The following ACACB variants were observed in gnomAD, a reference collection of about 807,000 sequenced individuals.
ACACB encodes the protein acetyl-CoA carboxylase 2.
In ACACB, 209 loss-of-function variants were observed where a neutral mutation model predicts 278.8. The observed-to-expected ratio is 0.75, with a 90% CI of 0.67 to 0.84. The LOEUF (loss-of-function observed/expected upper bound fraction) is 0.84, where lower values mean the gene tolerates loss of function less well. Among genes scored for constraint, ACACB ranks in the 40% least tolerant of loss-of-function variants. The pLI, the probability that ACACB is intolerant of heterozygous loss-of-function variation, is 0.00. For synonymous variants in ACACB, 1,174 were observed against 1,285.6 expected, an observed-to-expected ratio of 0.91 and a Z score of 1.86; for missense variants, 2,850 against 3,269.0, an observed-to-expected ratio of 0.87 and a Z score of 3.13.
chr12:109,179,208 G>A lies in ACACB; in HGVS notation c.1558G>A (p.Asp520Asn), dbSNP rs764908876. The change falls in exon 10 of 53, where the codon GAC becomes AAC. Residue 520 changes from aspartate (D) to asparagine (N), a missense_variant. Physicochemically the swap from Asp to Asn is conservative, Grantham distance 23 (BLOSUM62 1). Transcript: ENST00000338432. ...YGNAVSLFGR[D>N]CSIQRRHQKI... Reference sequence around the variant, plus strand: ...GAATGCTGTGTCTCTGTTTGGTCGCGACTGCTCCATCCAGCGGCGGCATCA... The same window carrying A: ...GAATGCTGTGTCTCTGTTTGGTCGCAACTGCTCCATCCAGCGGCGGCATCA... The A allele has an allele frequency of 5.0e-6, 8 of 1,613,932 alleles. No homozygotes were observed. The highest frequency in any genetic ancestry group is 6.8e-6 in the Non-Finnish European group (8 of 1,180,032).
At chr12:109,197,485 G>C (rs150176021) in intron 17 of ACACB, among the ~76,000 whole-genome samples, 5 of 152,242 alleles carry the variant, frequency 3.3e-5, no homozygotes, top group African/African-American at 1.2e-4. Context: ...CATCCACCCA[G>C]TTAGTGCGGC....
intron 2 of ACACB, among the ~76,000 whole-genome samples, chr12:109,146,864 G>C (rs1046793309): frequency 1.3e-5 from 2 of 151,864 alleles, no homozygotes; most frequent in Admixed American, 6.6e-5. Flanking sequence ...TGGTAAAGAT[G>C]AGGTTTTGCC....
intron 10 of ACACB, 143 bp downstream of exon 10, chr12:109,179,440 C>T (rs2044388958): frequency 5.0e-6 from 4 of 799,100 alleles, no homozygotes; most frequent in Admixed American, 2.3e-5. Flanking sequence ...GAGGTGATTT[C>T]AGCATCACAC....
At chr12:109,222,965 G>A in intron 26 of ACACB, 53 bp downstream of exon 26, 1 of 1,431,666 alleles carries the variant, frequency 7.0e-7, no homozygotes, top group Non-Finnish European at 9.6e-7. Context: ...TGTGGCCCAG[G>A]TGGGGGCCTC....
intron 13 of ACACB, among the ~76,000 whole-genome samples, chr12:109,190,626 G>T (rs199934514): frequency 6.6e-6 from 1 of 150,614 alleles, no homozygotes; most frequent in African/African-American, 2.4e-5. Context: ...TTTTCCCTTT[G>T]TTTTTTTTTC....
At chr12:109,156,565 G>T (rs953300198) in intron 2 of ACACB, among the ~76,000 whole-genome samples, 2 of 149,178 alleles carry the variant, frequency 1.3e-5, no homozygotes, top group Admixed American at 1.4e-4. Context: ...ATAAGTAGCG[G>T]ATATTCAGGC....
intron 20 of ACACB, 46 bp downstream of exon 20, chr12:109,206,902 C>T: frequency 6.2e-7 from 1 of 1,607,250 alleles, no homozygotes; most frequent in South Asian, 1.1e-5. Flanking sequence ...TGCGGAGGGT[C>T]AGAAGATCTA....
At chr12:109,117,348 A>C (rs1402346591) in intron 1 of ACACB, among the ~76,000 whole-genome samples, 1 of 141,564 alleles carries the variant, frequency 7.1e-6, no homozygotes, top group Non-Finnish European at 1.5e-5. Flanking sequence ...TGACAGAGCA[A>C]GACTCTGTCT....
chr12:109,136,074 G>A (rs1431534958), intron 1 of ACACB, among the ~76,000 whole-genome samples: 1 of 151,908 alleles, frequency 6.6e-6, no homozygotes, highest in Non-Finnish European at 1.5e-5. Flanking sequence ...GCCTCCCAAA[G>A]TGCTGGGATT....
At chr12:109,117,836 T>C (rs572263868) in intron 1 of ACACB, among the ~76,000 whole-genome samples, 1 of 152,336 alleles carries the variant, frequency 6.6e-6, no homozygotes, top group East Asian at 1.9e-4. Context: ...AAGCTCCGCC[T>C]CCTGGGTTCA....
intron 17 of ACACB, 96 bp downstream of exon 17, chr12:109,197,249 G>T: frequency 6.8e-7 from 1 of 1,464,260 alleles, no homozygotes; most frequent in South Asian, 1.4e-5. Context: ...CAGGTCCAAG[G>T]GTCTTAGAGA....
At chr12:109,172,709 C>T (rs1431682932) in intron 6 of ACACB, among the ~76,000 whole-genome samples, 3 of 152,214 alleles carry the variant, frequency 2.0e-5, no homozygotes, top group Non-Finnish European at 2.9e-5. Flanking sequence ...CGCTTATGCA[C>T]TGTTGGTGGG....
intron 1 of ACACB, among the ~76,000 whole-genome samples, chr12:109,127,633 AG>A (rs370748964): frequency 2.4e-4 from 36 of 151,786 alleles, no homozygotes; most frequent in African/African-American, 8.5e-4. Flanking sequence ...TAGTATTTGC[AG>A]TCAGGGAGTG....
At chr12:109,151,810 A>G (rs763950152) in intron 2 of ACACB, among the ~76,000 whole-genome samples, 4 of 152,230 alleles carry the variant, frequency 2.6e-5, no homozygotes, top group African/African-American at 4.8e-5. Context: ...CTGTTTCATC[A>G]AAAAGCACAA....
chr12:109,169,142 CAAAAA>C (rs34104231), intron 4 of ACACB, among the ~76,000 whole-genome samples: 1 of 105,834 alleles, frequency 9.4e-6, no homozygotes, highest in African/African-American at 3.5e-5. Flanking sequence ...GAGACTGTCT[CAAAAA>C]AAAAAAAAAA....
chr12:109,121,579 G>A (rs1037475077), intron 1 of ACACB, among the ~76,000 whole-genome samples: 1 of 152,172 alleles, frequency 6.6e-6, no homozygotes, highest in East Asian at 1.9e-4. Context: ...CTCTCTGGTG[G>A]CCCCTGATAC....
intron 49 of ACACB, chr12:109,262,982 A>ATATATATATATATATATATATT (rs1168270528): frequency 4.4e-5 from 6 of 137,626 alleles, no homozygotes; most frequent in Admixed American, 1.5e-4. Flanking sequence ...ATATATATAT[A>ATATATATATATATATATATATT]TTGCCATCGT....
At position 109,139,539 on chromosome 12, in the gene ACACB, A is replaced by G. The variant is rs139767464; in HGVS notation, c.134A>G (p.Gln45Arg). ...TCAGAAGCAAACCTCATCCCGAGCC[A>G]GGAGCCCTTTCCAGCCTCTGATAAC... is the stretch of plus-strand genomic sequence containing the variant. ...SKSEANLIPS[Q>R]EPFPASDNSG... Residue 45 changes from glutamine to arginine, a missense_variant, in exon 2 of 53, where the codon CAG becomes CGG. Physicochemically the swap from Gln to Arg is conservative, Grantham distance 43. Coordinates refer to ENST00000338432, the MANE Select transcript of ACACB (RefSeq NM_001093.4). 5,724 of 1,614,128 alleles carry G rather than the reference A, an allele frequency of 3.5e-3. 18 individuals carry two copies. Among genetic ancestry groups the G allele is most frequent in the Non-Finnish European group, 4.4e-3 (5,154 of 1,180,026 alleles).
At chr12:109,239,706 C>A (rs1268879452) in intron 34 of ACACB, 124 bp from the exon 35 acceptor site, 2 of 1,180,334 alleles carry the variant, frequency 1.7e-6, no homozygotes, top group Non-Finnish European at 2.3e-6. Flanking sequence ...TCTTGCCTGG[C>A]ACACTTTTTG....
Sources: allele counts gnomAD v4.1 joint callset (sites outside exome capture counted in the v4.1 genomes callset), GRCh38; gene constraint gnomAD v4.1.1; transcripts MANE v1.5; gene names NCBI Gene and HGNC (gene_info 2026-07-23, HGNC 2026-07-21).